The following TIAL1 variants were observed in gnomAD, a reference collection of about 807,000 sequenced individuals.
TIAL1 encodes nucleolysin TIAR.
A neutral mutation model predicts 59.7 loss-of-function variants in TIAL1; 7 were observed. That is an observed-to-expected ratio of 0.12 (90% CI 0.07 to 0.22). The LOEUF (loss-of-function observed/expected upper bound fraction) is 0.22, where lower values mean the gene tolerates loss of function less well. Ranked by LOEUF, TIAL1 falls within the 10% of genes least tolerant of loss-of-function variation. The pLI, the probability that TIAL1 is intolerant of heterozygous loss-of-function variation, is 1.00. For missense variants in TIAL1, 225 were observed against 462.5 expected (o/e 0.49, Z 4.71); for synonymous variants, 149 against 146.3 (o/e 1.02, Z -0.13).
At chr10:119,596,392 C>T in intron 1 of TIAL1, 42 bp downstream of exon 1, 1 of 1,609,310 alleles carries the variant, frequency 6.2e-7, no homozygotes, top group Non-Finnish European at 8.5e-7. Flanking sequence ...CCGCGGTGCC[C>T]GGGCCTCTTG....
intron 1 of TIAL1, 135 bp downstream of exon 1, chr10:119,596,299 C>T (rs1846186020): frequency 2.2e-6 from 2 of 894,486 alleles, no homozygotes; most frequent in African/African-American, 1.6e-5. Context: ...GAGGAATGCA[C>T]TTCGCGTCCA....
chr10:119,580,411 A>G, intron 5 of TIAL1: 1 of 731,812 alleles, frequency 1.4e-6, no homozygotes, highest in Non-Finnish European at 1.7e-6. Flanking sequence ...TAGTGATACA[A>G]AATATATGAA....
In TIAL1 at chr10:119,582,979, G is replaced by A. The variant is rs910345866; in HGVS notation, c.130-422C>T. 1.3e-5 allele frequency among the ~76,000 whole-genome samples: 2 copies of A among 151,942 alleles called. No homozygotes were observed. Among genetic ancestry groups the A allele is most frequent in the Admixed American group, 1.3e-4 (2 of 15,258 alleles). ...TAATCCTCTATAAGTGGTATCCCAGGATACAGAAATACAGCAAGAACCAAC... is the reference window on the plus strand; with the variant it reads ...TAATCCTCTATAAGTGGTATCCCAGAATACAGAAATACAGCAAGAACCAAC... On this transcript the variant is annotated intron_variant, in intron 2 of 11. Coordinates refer to ENST00000436547, the MANE Select transcript of TIAL1 (RefSeq NM_003252.4). The surrounding 1 kb of genome is among the most constrained non-coding windows in gnomAD (Gnocchi z 5.1).
Position 119,574,036 on chromosome 10 carries a change from C to T in TIAL1, c.*1629G>A, listed in dbSNP as rs1013918264. On this transcript the variant is annotated 3_prime_UTR_variant, in exon 12 of 12. Coordinates refer to ENST00000436547, the MANE Select transcript of TIAL1 (RefSeq NM_003252.4). ...ATTTGTGGGTACTAATCGCATCTTACTATGTAACTGTAAAAGGCTATTTTC... is the reference window on the plus strand; with the variant it reads ...ATTTGTGGGTACTAATCGCATCTTATTATGTAACTGTAAAAGGCTATTTTC... 2.0e-5 allele frequency: 3 copies of T among 152,620 alleles called. No homozygotes were observed. In the East Asian group the frequency reaches 5.8e-4, roughly 29 times the overall value. The allele number at this position is 152,620 out of a possible 1,614,324, so 9.5% of individuals were successfully genotyped here.
At chr10:119,590,789 A>G (rs1054254300) in intron 1 of TIAL1, among the ~76,000 whole-genome samples, 2 of 145,956 alleles carry the variant, frequency 1.4e-5, no homozygotes, top group Admixed American at 6.7e-5. Flanking sequence ...AGAAAGAAAG[A>G]AAGAAAGAAA....
chr10:119,580,279 A>C (rs1336474737), intron 5 of TIAL1: 1 of 382,862 alleles, frequency 2.6e-6, no homozygotes, highest in Non-Finnish European at 4.5e-6. Context: ...AATAGGAACA[A>C]CAGTTTCCCT....
intron 1 of TIAL1, among the ~76,000 whole-genome samples, chr10:119,588,952 CT>C (rs1305785007): frequency 6.6e-6 from 1 of 152,074 alleles, no homozygotes; most frequent in Non-Finnish European, 1.5e-5. Context: ...ACAACAAATA[CT>C]AATTCATTAA....
rs1489308777 is a variant in TIAL1, at chr10:119,573,977, T to C, written c.*1688A>G. On this transcript the variant is annotated 3_prime_UTR_variant, in exon 12 of 12. Coordinates refer to ENST00000436547, the MANE Select transcript of TIAL1 (RefSeq NM_003252.4). ...ATTTATAAAATCATTATTTTAAAGC[T>C]AATCGTAAAACTTCAAATGTTTAGA... 1.3e-5 allele frequency: 2 copies of C among 152,606 alleles called. No individual in the cohort carries two copies. Among genetic ancestry groups the C allele is most frequent in the Non-Finnish European group, 2.9e-5 (2 of 68,046 alleles). The allele number at this position is 152,606 out of a possible 1,614,324, so 9.5% of individuals were successfully genotyped here.
chr10:119,575,635 T>C lies in TIAL1; in HGVS notation c.*30A>G, dbSNP rs1469309347. 7 of 1,613,140 alleles carry C rather than the reference T, an allele frequency of 4.3e-6. No homozygotes were observed. The highest frequency in any genetic ancestry group is 1.7e-5 in the Admixed American group (1 of 59,886). On this transcript the variant is annotated 3_prime_UTR_variant, in exon 12 of 12. Transcript: ENST00000436547. ...TGTCACAGGAAATCGAAGCCTATCA[T>C]GAATTACAATTTTTTTTTAGAGTCC... is the stretch of plus-strand genomic sequence containing the variant.
chr10:119,577,364 A>G (rs1236578884), intron 9 of TIAL1, 87 bp downstream of exon 9: 2 of 1,461,366 alleles, frequency 1.4e-6, no homozygotes, highest in Admixed American at 2.2e-5. Context: ...AAGCACTAAA[A>G]TAACAAACAC....
chr10:119,590,716 AT>A (rs199952246), intron 1 of TIAL1, among the ~76,000 whole-genome samples: 1,815 of 151,390 alleles, frequency 0.012, 39 homozygotes, highest in African/African-American at 0.042. Flanking sequence ...TCTCAAAAAA[AT>A]AAATAAAAAA....
At chr10:119,588,096 C>A in intron 2 of TIAL1, 56 bp downstream of exon 2, 1 of 1,051,566 alleles carries the variant, frequency 9.5e-7, no homozygotes, top group Non-Finnish European at 1.3e-6. Flanking sequence ...ATTTTAAAAT[C>A]ATGCTAATCA....
chr10:119,592,543 G>C (rs1845936743), intron 1 of TIAL1, among the ~76,000 whole-genome samples: 1 of 152,136 alleles, frequency 6.6e-6, no homozygotes, highest in East Asian at 1.9e-4. Flanking sequence ...GAAATTATCA[G>C]CACTTTCACA....
chr10:119,591,656 A>T (rs2134004750), intron 1 of TIAL1, among the ~76,000 whole-genome samples: 1 of 152,316 alleles, frequency 6.6e-6, no homozygotes, highest in Admixed American at 6.5e-5. Flanking sequence ...AATTTCAAAA[A>T]CTAACATGAA....
In TIAL1 at chr10:119,590,197, T is replaced by G. The variant is rs1845778153; in HGVS notation, c.33-1949A>C. Among the ~76,000 whole-genome samples the G allele has an allele frequency of 2.0e-5, 3 of 152,188 alleles. No homozygotes were observed. In the South Asian group the frequency reaches 6.2e-4, roughly 32 times the overall value. On this transcript the variant is annotated intron_variant, in intron 1 of 11. Transcript: ENST00000436547. ...TTACCTAACTAGAGGACTAAACAAGTGACAAACTGTTTTACGTCCACTATG... is the reference window on the plus strand; with the variant it reads ...TTACCTAACTAGAGGACTAAACAAGGGACAAACTGTTTTACGTCCACTATG...
intron 1 of TIAL1, among the ~76,000 whole-genome samples, chr10:119,590,762 G>GAGAAAGAGAGAAAGAAAGAAAGAA (rs1446023630): frequency 4.8e-5 from 6 of 125,292 alleles, no homozygotes; most frequent in Non-Finnish European, 6.7e-5. Context: ...GAGAGAAAGA[G>GAGAAAGAGAGAAAGAAAGAAAGAA]AGAAAGAAAG....
At chr10:119,586,543 T>C (rs747739175) in intron 2 of TIAL1, among the ~76,000 whole-genome samples, 5 of 152,120 alleles carry the variant, frequency 3.3e-5, no homozygotes, top group African/African-American at 7.2e-5. Flanking sequence ...CTACATAGAG[T>C]AGTAAGCTTA....
chr10:119,575,312 G>T lies in TIAL1; in HGVS notation c.*353C>A, dbSNP rs1589857663. ...CCTTTTTTGCTCTTTTAAAAACACA[G>T]TGAGTTAAAATACTGAACAGCAAGA... On this transcript the variant is annotated 3_prime_UTR_variant, in exon 12 of 12. Transcript: ENST00000436547. 1 of 183,642 alleles carries T rather than the reference G, an allele frequency of 5.4e-6. No individual in the cohort carries two copies. The highest frequency in any genetic ancestry group is 2.4e-5 in the African/African-American group (1 of 41,746). 11.4% of individuals were successfully genotyped at this position (183,642 alleles called of 1,614,324 possible). A position where few individuals can be genotyped will look rare whatever the true frequency, so the allele number is the denominator to read the frequency against.
At chr10:119,576,846 C>T in intron 10 of TIAL1, 96 bp from the exon 11 acceptor site, 1 of 1,501,072 alleles carries the variant, frequency 6.7e-7, no homozygotes, top group South Asian at 1.3e-5. Context: ...TAAGTAAGCA[C>T]CCTTATGTGA....
Sources: allele counts gnomAD v4.1 joint callset (sites outside exome capture counted in the v4.1 genomes callset), GRCh38; gene constraint gnomAD v4.1.1; non-coding constraint Gnocchi (gnomAD v3.1); transcripts MANE v1.5; gene names NCBI Gene and HGNC (gene_info 2026-07-23, HGNC 2026-07-21).